The following LIPE variants were observed in gnomAD, a reference collection of about 807,000 sequenced individuals.
The protein encoded by LIPE is hormone-sensitive lipase.
LIPE carries 66 observed loss-of-function variants against 88.5 expected under a neutral mutation model. The ratio of observed to expected loss-of-function variants is 0.75; its 90% CI spans 0.61 to 0.91. LIPE has a LOEUF of 0.91. Among genes scored for constraint, LIPE ranks in the 40% least tolerant of loss-of-function variants. The pLI is 0.00. For synonymous variants in LIPE, 570 were observed against 617.5 expected, an observed-to-expected ratio of 0.92 and a Z score of 1.14; for missense variants, 1,346 against 1,434.7, an observed-to-expected ratio of 0.94 and a Z score of 1.00.
rs374707708 is a variant in LIPE at position 42,407,145 on chromosome 19, G to A, written c.2137+29C>T. The A allele has an allele frequency of 2.7e-5, 40 of 1,469,252 alleles. No homozygotes were observed. The highest frequency in any genetic ancestry group is 7.1e-5 in the Admixed American group (3 of 42,242). The allele number at this position is 1,469,252 out of a possible 1,614,324, so 91.0% of individuals were successfully genotyped here. Reference sequence around the variant, plus strand: ...CAAGCTGGGTGGGATGGGAGCAGGCGCAGGTGGCTGTGGGGGCCTGAGGCT... The same window carrying A: ...CAAGCTGGGTGGGATGGGAGCAGGCACAGGTGGCTGTGGGGGCCTGAGGCT... On this transcript the variant is annotated intron_variant, in intron 6 of 9. Transcript: ENST00000244289. The surrounding 1 kb of genome is among the most constrained non-coding windows in gnomAD (Gnocchi z 5.8).
In LIPE at chr19:42,410,446, T is replaced by C. The variant is rs769577111; in HGVS notation, c.1280A>G (p.Tyr427Cys). 1.2e-6 allele frequency: 2 copies of C among 1,614,026 alleles called. No individual in the cohort carries two copies. The highest frequency in any genetic ancestry group is 1.7e-6 in the Non-Finnish European group (2 of 1,180,024). The change falls in exon 2 of 10, where the codon TAC becomes TGC. Residue 427 changes from tyrosine (Y) to cysteine (C), a missense_variant. Transcript: ENST00000244289. The surrounding 1 kb of genome is among the most constrained non-coding windows in gnomAD (Gnocchi z 6.1). ...AALTQLRALVYYAQRLLVTNR... is the reference protein window; with the variant it reads ...AALTQLRALVCYAQRLLVTNR... ...GGTAACCAGCAGGCGCTGGGCGTAG[T>C]AGACCAGAGCGCGGAGCTGGGTGAG...
rs761549041 is a variant in LIPE at position 42,410,402 on chromosome 19, A to G, written c.1324T>C (p.Phe442Leu). Residue 442 changes from phenylalanine (F) to leucine (L), a missense_variant, in exon 2 of 10, where the codon TTC (phenylalanine) becomes CTC (leucine). Coordinates refer to ENST00000244289, the MANE Select transcript of LIPE (RefSeq NM_005357.4). This position sits in a 1 kb window ranked among gnomAD's most constrained non-coding sequence, Gnocchi z 6.1. ...LLVTNRPGVL[F>L]FEGDEGLTAD... is the part of the protein sequence containing the mutation. ...GTGAGCCCCTCGTCGCCCTCAAAGA[A>G]GAGTACCCCCGGCCGATTGGTAACC... The G allele has an allele frequency of 6.2e-7, 1 of 1,614,190 alleles. No homozygotes were observed. The highest frequency in any genetic ancestry group is 8.5e-7 in the Non-Finnish European group (1 of 1,180,030).
chr19:42,417,615 C>T (rs541930329), intron 1 of LIPE, among the ~76,000 whole-genome samples: 7 of 151,988 alleles, frequency 4.6e-5, no homozygotes, highest in Non-Finnish European at 1.0e-4. Flanking sequence ...GAACACTGGA[C>T]CTCAAGTGAT....
At chr19:42,412,687 T>C (rs779941984) in intron 1 of LIPE, 12 of 458,406 alleles carry the variant, frequency 2.6e-5, no homozygotes, top group Non-Finnish European at 3.4e-5. Context: ...CCCCAGCCCC[T>C]TCATCCTTTA....
In LIPE at chr19:42,410,521, A is replaced by G. The variant is rs941178277; in HGVS notation, c.1205T>C (p.Phe402Ser). 2.5e-6 allele frequency: 4 copies of G among 1,612,944 alleles called. No homozygotes were observed. The highest frequency in any genetic ancestry group is 3.4e-6 in the Non-Finnish European group (4 of 1,179,986). Residue 402 changes from phenylalanine to serine, a missense_variant, in exon 2 of 10, where the codon TTC becomes TCC. Coordinates refer to ENST00000244289, the MANE Select transcript of LIPE (RefSeq NM_005357.4). This position sits in a 1 kb window ranked among gnomAD's most constrained non-coding sequence, Gnocchi z 6.1. ...GGCCAGGTTGTGGCTGGTGCGGAAG[A>G]AGATGCTGCGGCGGTTGGAGGCCAC... ...RYVASNRRSI[F>S]FRTSHNLAEL...
rs558842622 is a variant in LIPE, at chr19:42,413,189, G to A, written c.884-2347C>T. Among the ~76,000 whole-genome samples the A allele has an allele frequency of 5.3e-5, 8 of 152,240 alleles. No homozygotes were observed. The East Asian group carries it at 9.7e-4, about 18-fold the overall frequency. Reference sequence around the variant, plus strand: ...GCTTCTCCCCAGCTAAGATATGCACGCCCCCGTTATTTTCTGCCATGATAT... The same window carrying A: ...GCTTCTCCCCAGCTAAGATATGCACACCCCCGTTATTTTCTGCCATGATAT... On this transcript the variant is annotated intron_variant, in intron 1 of 9. Coordinates refer to ENST00000244289, the MANE Select transcript of LIPE (RefSeq NM_005357.4).
chr19:42,419,134 C>T (rs967143361), intron 1 of LIPE, among the ~76,000 whole-genome samples: 5 of 152,146 alleles, frequency 3.3e-5, no homozygotes, highest in South Asian at 2.1e-4. Flanking sequence ...CAAAATTAGC[C>T]GGGCATGGTG....
chr19:42,425,054 C>T (rs2040683006), intron 1 of LIPE: 1 of 218,814 alleles, frequency 4.6e-6, no homozygotes, highest in Non-Finnish European at 9.4e-6. Flanking sequence ...ACACAACCCG[C>T]AAGGCCCTTC....
Position 42,406,449 on chromosome 19 carries a change from G to A in LIPE, c.2138-61C>T. 5.5e-6 allele frequency: 8 copies of A among 1,454,844 alleles called. No homozygotes were observed. In the South Asian group the frequency reaches 8.2e-5, roughly 15 times the overall value. 90.1% of individuals were successfully genotyped at this position (1,454,844 alleles called of 1,614,324 possible). A position where few individuals can be genotyped will look rare whatever the true frequency, so the allele number is the denominator to read the frequency against. On this transcript the variant is annotated intron_variant, in intron 6 of 9. Coordinates refer to ENST00000244289, the MANE Select transcript of LIPE (RefSeq NM_005357.4). This position sits in a 1 kb window ranked among gnomAD's most constrained non-coding sequence, Gnocchi z 5.7. ...CAGGGGCAGAGGCCTGGGGAGGAGG[G>A]CAGGGAGGAACTCAAGCTGGGAGAA... is the stretch of plus-strand genomic sequence containing the variant.
chr19:42,424,137 T>C (rs2040660438), intron 1 of LIPE: 7 of 1,200,348 alleles, frequency 5.8e-6, no homozygotes, highest in African/African-American at 4.8e-5. Flanking sequence ...AGTTCTCCTA[T>C]TGCGCTTTTC....
intron 1 of LIPE, among the ~76,000 whole-genome samples, chr19:42,418,252 G>T (rs2040529309): frequency 6.6e-6 from 1 of 152,122 alleles, no homozygotes; most frequent in South Asian, 2.1e-4. Flanking sequence ...CAAAGTGCTG[G>T]GATTATAGGT....
chr19:42,410,354 C>T lies in LIPE; in HGVS notation c.1372G>A (p.Val458Ile). 1.2e-6 allele frequency: 2 copies of T among 1,612,990 alleles called. No individual in the cohort carries two copies. ...TAGAAGCATCCCTTATGCAGCGTGACATACTCCCGGAGGAAGTCGGCGGTG... is the reference window on the plus strand; with the variant it reads ...TAGAAGCATCCCTTATGCAGCGTGATATACTCCCGGAGGAAGTCGGCGGTG... ...GLTADFLREYVTLHKGCFYGR... is the reference protein window; with the variant it reads ...GLTADFLREYITLHKGCFYGR... The change falls in exon 2 of 10, where the codon GTC becomes ATC. Residue 458 changes from valine (V) to isoleucine (I), a missense_variant. By Grantham distance (29) the Val-to-Ile change is conservative (BLOSUM62 3). Transcript: ENST00000244289. This position sits in a 1 kb window ranked among gnomAD's most constrained non-coding sequence, Gnocchi z 6.1.
At chr19:42,402,148 G>T in intron 9 of LIPE, 73 bp from the exon 10 acceptor site, 1 of 1,362,314 alleles carries the variant, frequency 7.3e-7, no homozygotes. Flanking sequence ...GAGCGAGGAG[G>T]GGTTTGATGA....
At chr19:42,412,004 CT>C (rs975680126) in intron 1 of LIPE, among the ~76,000 whole-genome samples, 21 of 152,306 alleles carry the variant, frequency 1.4e-4, no homozygotes, top group Non-Finnish European at 2.4e-4. Flanking sequence ...AGTGGCAGAG[CT>C]TTTGTAAACC....
chr19:42,402,293 C>T (rs1464505098), intron 9 of LIPE, among the ~76,000 whole-genome samples: 1 of 151,900 alleles, frequency 6.6e-6, no homozygotes, highest in Non-Finnish European at 1.5e-5. Context: ...AACTGCGATC[C>T]CCGGCCTCTC....
intron 1 of LIPE, among the ~76,000 whole-genome samples, chr19:42,425,401 T>G (rs1395725599): frequency 6.6e-6 from 1 of 152,186 alleles, no homozygotes; most frequent in Non-Finnish European, 1.5e-5. Flanking sequence ...GGAGGCAGCC[T>G]GGTCCAGGGG....
chr19:42,404,065 CTTT>C (rs528946715), intron 8 of LIPE, among the ~76,000 whole-genome samples: 5 of 138,700 alleles, frequency 3.6e-5, no homozygotes, highest in Non-Finnish European at 4.7e-5. Context: ...TAGTTTTTTA[CTTT>C]TTTTTTTTTT....
At chr19:42,404,461 C>T (rs1186523576) in intron 8 of LIPE, among the ~76,000 whole-genome samples, 1 of 152,098 alleles carries the variant, frequency 6.6e-6, no homozygotes, top group Non-Finnish European at 1.5e-5. Flanking sequence ...AAACTCCTGA[C>T]CTCGTGATCT....
At chr19:42,402,453 C>T (rs772926381) in intron 9 of LIPE, among the ~76,000 whole-genome samples, 154 bp downstream of exon 9, 10 of 152,152 alleles carry the variant, frequency 6.6e-5, no homozygotes, top group Non-Finnish European at 8.8e-5. Context: ...TCCTCCCGTT[C>T]GTTCGGGGCA....
Sources: gnomAD v4.1 joint callset for allele counts (sites outside exome capture counted in the v4.1 genomes callset) on GRCh38, gnomAD v4.1.1 for gene constraint, Gnocchi (gnomAD v3.1) non-coding constraint, MANE v1.5 for transcripts, NCBI Gene and HGNC (gene_info 2026-07-23, HGNC 2026-07-21) for gene names.